Variants in COL28A1 observed in about 807,000 individuals in gnomAD.
The protein encoded by COL28A1 is collagen alpha-1(XXVIII) chain.
A neutral mutation model predicts 150.2 loss-of-function variants in COL28A1; 161 were observed. That is an observed-to-expected ratio of 1.07 (90% CI 0.94 to 1.22). COL28A1 has a LOEUF of 1.22. Among genes scored for constraint, COL28A1 ranks in the 50% most tolerant of loss-of-function variants. The pLI is 0.00. For synonymous variants in COL28A1, 552 were observed against 469.7 expected (o/e 1.18, Z -2.26); for missense variants, 1,617 against 1,388.3 (o/e 1.16, Z -2.62).
intron 9 of COL28A1, among the ~76,000 whole-genome samples, chr7:7,509,184 A>G (rs1780988514): frequency 6.6e-6 from 1 of 151,726 alleles, no homozygotes; most frequent in South Asian, 2.1e-4. Flanking sequence ...AAACTGGAGT[A>G]GAGTGGCACA....
At chr7:7,349,837 A>G in the COL28A1 span, among the ~76,000 whole-genome samples, 1 of 152,162 alleles carries the variant, frequency 6.6e-6, no homozygotes, top group Non-Finnish European at 1.5e-5. Context: ...AAAGAAGAGA[A>G]AGAAAATGCG....
chr7:7,440,278 G>C (rs368391131), intron 21 of COL28A1, among the ~76,000 whole-genome samples: 1 of 152,162 alleles, frequency 6.6e-6, no homozygotes, highest in Admixed American at 6.5e-5. Context: ...AATGTGCTAA[G>C]TGCTTTATTA....
At chr7:7,431,418 A>G (rs971764200) in intron 25 of COL28A1, 6 of 416,148 alleles carry the variant, frequency 1.4e-5, no homozygotes, top group Non-Finnish European at 3.0e-5. Flanking sequence ...TACACGCTAC[A>G]TGGAAAACAT....
chr7:7,537,860 G>A (rs1369427773), upstream of COL28A1, among the ~76,000 whole-genome samples: 2 of 152,188 alleles, frequency 1.3e-5, no homozygotes, highest in Non-Finnish European at 2.9e-5. Flanking sequence ...AAGAGACAAG[G>A]AAGTAGCATC....
At position 7,400,910 on chromosome 7, in the gene COL28A1, A is replaced by G. The variant is rs180917105; in HGVS notation, c.2136+16949T>C. On this transcript the variant is annotated intron_variant, in intron 27 of 34. Coordinates refer to ENST00000399429, the MANE Select transcript of COL28A1 (RefSeq NM_001037763.3). ...TCCCTTTACCCTAATTCATCAATTA[A>G]GACTTTCCATTTTTTTTATTTCTCC... 2.0e-3 allele frequency among the ~76,000 whole-genome samples: 302 copies of G among 151,436 alleles called. 1 individual carries two copies. The highest frequency in any genetic ancestry group is 7.0e-3 in the African/African-American group (290 of 41,238).
chr7:7,356,107 G>C (rs1780346979), downstream of COL28A1: 1 of 152,082 alleles, frequency 6.6e-6, no homozygotes, highest in South Asian at 2.1e-4. Context: ...AAATTATCTA[G>C]AGTACATTTA....
At chr7:7,438,060 C>T (rs1199801024) in intron 21 of COL28A1, among the ~76,000 whole-genome samples, 5 of 151,696 alleles carry the variant, frequency 3.3e-5, no homozygotes, top group African/African-American at 9.7e-5. Context: ...CATGGCAAAA[C>T]CCCATCGCTA....
downstream of COL28A1, among the ~76,000 whole-genome samples, chr7:7,351,547 A>G (rs1345155421): frequency 6.6e-6 from 1 of 152,154 alleles, no homozygotes; most frequent in Non-Finnish European, 1.5e-5. Context: ...ATTTCTTGGT[A>G]ATTCTAAGAG....
chr7:7,437,170 A>T (rs897959927), intron 22 of COL28A1, among the ~76,000 whole-genome samples: 1 of 152,178 alleles, frequency 6.6e-6, no homozygotes, highest in African/African-American at 2.4e-5. Flanking sequence ...GGAAGACGTA[A>T]TGAAGGGTAA....
intron 11 of COL28A1, among the ~76,000 whole-genome samples, chr7:7,499,027 G>A (rs958933642): frequency 3.3e-5 from 5 of 151,928 alleles, no homozygotes; most frequent in African/African-American, 9.7e-5. Context: ...CACATGTTCT[G>A]GCAGCCACTT....
chr7:7,421,170 A>T (rs1562599465), intron 25 of COL28A1, among the ~76,000 whole-genome samples: 1 of 152,248 alleles, frequency 6.6e-6, no homozygotes, highest in African/African-American at 2.4e-5. Context: ...ATGCCATAAC[A>T]TGAATGAACC....
chr7:7,389,749 C>G (rs986298380), intron 27 of COL28A1, among the ~76,000 whole-genome samples: 3 of 152,094 alleles, frequency 2.0e-5, no homozygotes, highest in African/African-American at 7.2e-5. Context: ...ATTTTATTCT[C>G]TTTGTAGCAA....
chr7:7,431,510 T>C, intron 25 of COL28A1: 1 of 471,046 alleles, frequency 2.1e-6, no homozygotes, highest in Non-Finnish European at 4.4e-6. Flanking sequence ...TAATCAGCCA[T>C]CCTGGCGAGT....
At chr7:7,421,402 TTTAC>T (rs1685564247) in intron 25 of COL28A1, among the ~76,000 whole-genome samples, 1 of 152,116 alleles carries the variant, frequency 6.6e-6, no homozygotes, top group South Asian at 2.1e-4. Context: ...TAGTAGCAAA[TTTAC>T]TTAAAGAACC....
intron 26 of COL28A1, among the ~76,000 whole-genome samples, chr7:7,418,560 C>T (rs1053819015): frequency 2.0e-5 from 3 of 152,184 alleles, no homozygotes; most frequent in African/African-American, 7.2e-5. Context: ...ATGGCTCTAA[C>T]AAGTCCCACA....
intron 5 of COL28A1, 73 bp from the exon 6 acceptor site, chr7:7,520,188 A>G (rs1003483444): frequency 1.3e-5 from 10 of 757,478 alleles, no homozygotes; most frequent in Non-Finnish European, 1.8e-5. Context: ...ATAATTTCTG[A>G]TCAGTTTTGT....
chr7:7,490,055 A>T (rs1779832627), intron 12 of COL28A1, among the ~76,000 whole-genome samples: 1 of 152,200 alleles, frequency 6.6e-6, no homozygotes, highest in African/African-American at 2.4e-5. Flanking sequence ...CCACTTGGAA[A>T]AGCCATTCAA....
chr7:7,365,126 G>C (rs909432907), intron 33 of COL28A1, among the ~76,000 whole-genome samples: 2 of 132,986 alleles, frequency 1.5e-5, no homozygotes, highest in African/African-American at 2.6e-5. Flanking sequence ...CCTCTGGAGA[G>C]AGGAGGAAAA....
chr7:7,479,584 A>G (rs1335020607), intron 13 of COL28A1, among the ~76,000 whole-genome samples: 1 of 152,200 alleles, frequency 6.6e-6, no homozygotes, highest in East Asian at 1.9e-4. Context: ...TAAAACTTGA[A>G]TTATTTCAGG....
Sources: allele counts gnomAD v4.1 joint callset (sites outside exome capture counted in the v4.1 genomes callset), GRCh38; gene constraint gnomAD v4.1.1; transcripts MANE v1.5; gene names NCBI Gene and HGNC (gene_info 2026-07-23, HGNC 2026-07-21).